The following PLXNA4 variants were observed in gnomAD, a reference collection of about 807,000 sequenced individuals.
PLXNA4 encodes plexin A4.
A neutral mutation model predicts 191.8 loss-of-function variants in PLXNA4; 44 were observed. That is an observed-to-expected ratio of 0.23 (90% CI 0.18 to 0.29). The LOEUF (loss-of-function observed/expected upper bound fraction) is 0.29, where lower values mean the gene tolerates loss of function less well. PLXNA4 is among the 10% of genes least tolerant of loss of function. PLXNA4 has a pLI of 1.00. For missense variants in PLXNA4, 1,800 were observed against 2,488.8 expected, an observed-to-expected ratio of 0.72 and a Z score of 5.89; for synonymous variants, 1,082 against 1,009.5, an observed-to-expected ratio of 1.07 and a Z score of -1.36.
chr7:132,191,634 C>A (rs1797089922), intron 14 of PLXNA4, among the ~76,000 whole-genome samples: 8 of 152,192 alleles, frequency 5.3e-5, no homozygotes, highest in Admixed American at 5.2e-4. Context: ...TGGGCAGTGG[C>A]TGGCCAAGGA....
intron 1 of PLXNA4, among the ~76,000 whole-genome samples, chr7:132,540,629 G>A (rs1442031384): frequency 4.9e-5 from 6 of 122,956 alleles, no homozygotes; most frequent in South Asian, 6.1e-4. Flanking sequence ...CGCCCAGGCC[G>A]GACTGCGGAC....
intron 1 of PLXNA4, among the ~76,000 whole-genome samples, chr7:132,572,623 A>T (rs1346933082): frequency 6.6e-6 from 1 of 152,154 alleles, no homozygotes; most frequent in Non-Finnish European, 1.5e-5. Context: ...TTTCGTTTTA[A>T]AATCCATCTC....
chr7:132,401,911 AAG>A (rs941943974), intron 3 of PLXNA4, among the ~76,000 whole-genome samples: 5 of 152,150 alleles, frequency 3.3e-5, no homozygotes, highest in African/African-American at 1.2e-4. Flanking sequence ...AGATAAGCAA[AAG>A]AGGGGGAGGC....
At chr7:132,345,300 G>A (rs186880023) in intron 3 of PLXNA4, among the ~76,000 whole-genome samples, 2 of 152,290 alleles carry the variant, frequency 1.3e-5, no homozygotes, top group South Asian at 2.1e-4. Context: ...ATTAATCTCA[G>A]TAAGTTATTA....
intron 4 of PLXNA4, among the ~76,000 whole-genome samples, chr7:132,260,307 C>T (rs551435041): frequency 3.7e-4 from 57 of 152,218 alleles, no homozygotes; most frequent in African/African-American, 1.3e-3. Context: ...ATATAGATAC[C>T]GTGGAGTACT....
Position 132,497,976 on chromosome 7 carries a change from G to T in PLXNA4, c.1189-8502C>A, listed in dbSNP as rs150287365. ...AACCCAGTTAGACAAACACATCATT[G>T]CAGGGGCTTAGAGAAAAGTGTATTG... is the stretch of plus-strand genomic sequence containing the variant. On this transcript the variant is annotated intron_variant, in intron 2 of 31. Coordinates refer to ENST00000321063, the MANE Select transcript of PLXNA4 (RefSeq NM_020911.2). 7.5e-3 allele frequency among the ~76,000 whole-genome samples: 1,143 copies of T among 152,232 alleles called. 22 individuals carry two copies. Among genetic ancestry groups the T allele is most frequent in the African/African-American group, 0.026 (1,085 of 41,526 alleles).
At chr7:132,585,012 G>A (rs1251151786) in intron 2 of PLXNA4, among the ~76,000 whole-genome samples, 4 of 151,966 alleles carry the variant, frequency 2.6e-5, no homozygotes, top group Admixed American at 1.3e-4. Context: ...GTGGGCTGCC[G>A]TGAAGGTCAC....
intron 13 of PLXNA4, among the ~76,000 whole-genome samples, chr7:132,198,161 G>A (rs1797310642): frequency 6.6e-6 from 1 of 152,124 alleles, no homozygotes; most frequent in Non-Finnish European, 1.5e-5. Context: ...GACAGCAGAA[G>A]GAATTGGATT....
intron 3 of PLXNA4, among the ~76,000 whole-genome samples, chr7:132,381,788 A>G (rs1563067735): frequency 6.6e-6 from 1 of 152,134 alleles, no homozygotes. Flanking sequence ...TTTAATGGAG[A>G]GCGCCAGGAG....
chr7:132,273,373 C>T (rs60111449), intron 4 of PLXNA4, among the ~76,000 whole-genome samples: 4,976 of 152,172 alleles, frequency 0.033, 274 homozygotes, highest in African/African-American at 0.11. Flanking sequence ...CACACGCACA[C>T]ACCTCCCATC....
Position 132,203,240 on chromosome 7 carries a change from C to T in PLXNA4, c.2395+83G>A, listed in dbSNP as rs1486764628. ...ACTAGGAGGCGGGGGCAGAATGACT[C>T]CCGCGAGAATGCAGGACGGCTCCTT... On this transcript the variant is annotated intron_variant, in intron 11 of 31. Coordinates refer to ENST00000321063, the MANE Select transcript of PLXNA4 (RefSeq NM_020911.2). The T allele has an allele frequency of 3.1e-6, 4 of 1,299,358 alleles. No individual in the cohort carries two copies. In the Admixed American group the frequency reaches 5.3e-5, roughly 17 times the overall value. 80.5% of individuals were successfully genotyped at this position (1,299,358 alleles called of 1,614,324 possible).
At chr7:132,217,249 A>T (rs1183831981) in intron 9 of PLXNA4, among the ~76,000 whole-genome samples, 1 of 152,226 alleles carries the variant, frequency 6.6e-6, no homozygotes, top group Non-Finnish European at 1.5e-5. Flanking sequence ...TCTATCCACC[A>T]TGTCCAGCAC....
rs1162902397 is a variant in PLXNA4, at chr7:132,221,306, C to T, written c.2097+2221G>A. Among the ~76,000 whole-genome samples, 5 of 152,324 alleles carry T rather than the reference C, an allele frequency of 3.3e-5. No homozygotes were observed. The East Asian group carries it at 7.7e-4, about 23-fold the overall frequency. On this transcript the variant is annotated intron_variant, in intron 9 of 31. Transcript: ENST00000321063. The stretch of plus-strand genomic sequence containing the variant: ...TAAATGATTAGAGGCCTTCAAAATC[C>T]ACCAGCTAGCTCAATTGTTTTTGCT...
intron 3 of PLXNA4, among the ~76,000 whole-genome samples, chr7:132,456,097 G>GC (rs1796304752): frequency 6.6e-6 from 1 of 150,468 alleles, no homozygotes; most frequent in South Asian, 2.1e-4. Flanking sequence ...GTCCCTCTTC[G>GC]CATCTCCTCT....
chr7:132,457,666 G>A (rs1207293083), intron 3 of PLXNA4, among the ~76,000 whole-genome samples: 1 of 151,904 alleles, frequency 6.6e-6, no homozygotes, highest in Non-Finnish European at 1.5e-5. Context: ...TTGAGATGGA[G>A]GAGATTACCC....
Position 132,166,214 on chromosome 7 carries a change from A to G in PLXNA4, c.4287-1014T>C, listed in dbSNP as rs55706626. Among the ~76,000 whole-genome samples, 1,317 of 151,552 alleles carry G rather than the reference A, an allele frequency of 8.7e-3. 27 individuals are homozygous for G. Among genetic ancestry groups the G allele is most frequent in the African/African-American group, 0.03 (1,241 of 41,470 alleles). ...CCGTCTCAAAAACAAACGAACAAAG[A>G]AACAAACAAGAAACTGTCCTATGGC... On this transcript the variant is annotated intron_variant, in intron 22 of 31. Transcript: ENST00000321063.
chr7:132,598,450 G>A (rs1365363), intron 2 of PLXNA4, among the ~76,000 whole-genome samples: 115,063 of 152,108 alleles, frequency 0.76, 44,291 homozygotes, highest in South Asian at 0.89. Context: ...CCATATTCCT[G>A]CAGCCTCAAC....
intron 9 of PLXNA4, among the ~76,000 whole-genome samples, chr7:132,219,585 G>A (rs1178914687): frequency 6.6e-6 from 1 of 152,166 alleles, no homozygotes; most frequent in Non-Finnish European, 1.5e-5. Context: ...CTGTGAGTAA[G>A]CTCTTCCCCT....
intron 3 of PLXNA4, among the ~76,000 whole-genome samples, chr7:132,348,738 G>T (rs1292870871): frequency 6.6e-6 from 1 of 152,236 alleles, no homozygotes; most frequent in African/African-American, 2.4e-5. Flanking sequence ...GGGACATCTG[G>T]ACACTAATTG....
Sources: allele counts gnomAD v4.1 joint callset (sites outside exome capture counted in the v4.1 genomes callset), GRCh38; gene constraint gnomAD v4.1.1; transcripts MANE v1.5; gene names NCBI Gene and HGNC (gene_info 2026-07-23, HGNC 2026-07-21).